The following ST14 variants were observed in gnomAD, a reference collection of about 807,000 sequenced individuals.
ST14 encodes ST14 transmembrane serine protease matriptase, also known as suppressor of tumorigenicity 14 protein.
Under a neutral mutation model 96.5 loss-of-function variants are expected in ST14, and 40 were observed. That is an observed-to-expected ratio of 0.41 (90% CI 0.32 to 0.54). The LOEUF (loss-of-function observed/expected upper bound fraction) is 0.54, where lower values mean the gene tolerates loss of function less well. ST14 is among the 20% of genes least tolerant of loss of function. ST14 has a pLI of 0.17. For missense variants in ST14, 1,066 were observed against 1,188.9 expected, an observed-to-expected ratio of 0.90 and a Z score of 1.52; for synonymous variants, 506 against 492.1, an observed-to-expected ratio of 1.03 and a Z score of -0.37.
chr11:130,194,279 A>G lies in ST14; in HGVS notation c.1006A>G (p.Arg336Gly), dbSNP rs763040799. 6.2e-7 allele frequency: 1 copy of G among 1,614,164 alleles called. No individual in the cohort carries two copies. The highest frequency in any genetic ancestry group is 8.5e-7 in the Non-Finnish European group (1 of 1,180,012). Residue 336 changes from arginine (R) to glycine (G), a missense_variant, in exon 8 of 19, where the codon AGG becomes GGG. Arg to Gly is a moderately radical substitution (Grantham distance 125). Coordinates refer to ENST00000278742, the MANE Select transcript of ST14 (RefSeq NM_021978.4). ...TGAGGCCACCTTCTTCCAGCTGCCT[A>G]GGATGAGCAGTAAGGAAGGGCAGGG... is the stretch of plus-strand genomic sequence containing the variant. ...GFEATFFQLP[R>G]MSSCGGRLRK...
In ST14 at chr11:130,188,129, G is replaced by C. The variant is rs1305160670; in HGVS notation, c.97G>C (p.Glu33Gln). The C allele has an allele frequency of 6.2e-7, 1 of 1,614,174 alleles. No individual in the cohort carries two copies. The highest frequency in any genetic ancestry group is 2.2e-5 in the East Asian group (1 of 44,866). ...CTCCCTGCAGAAAGTGAATGGCTTG[G>C]AGGAAGGCGTGGAGTTCCTGCCAGT... is the stretch of plus-strand genomic sequence containing the variant. ...NSRHEKVNGL[E>Q]EGVEFLPVNN... The change falls in exon 2 of 19, where the codon GAG (glutamate) becomes CAG (glutamine). Residue 33 changes from glutamate to glutamine, a missense_variant. Glu to Gln is a conservative substitution (Grantham distance 29). Transcript: ENST00000278742. This position sits in a 1 kb window ranked among gnomAD's most constrained non-coding sequence, Gnocchi z 5.4.
chr11:130,200,556 T>C (rs1953417364), intron 16 of ST14, among the ~76,000 whole-genome samples: 1 of 152,328 alleles, frequency 6.6e-6, no homozygotes, highest in African/African-American at 2.4e-5. Context: ...GAGGGAACCG[T>C]GACCAAAACA....
Position 130,197,954 on chromosome 11 carries a change from G to T in ST14, c.1459+9G>T. The T allele has an allele frequency of 6.4e-7, 1 of 1,569,218 alleles. No individual in the cohort carries two copies. ...CGATGAGCTCAACTGCAGTGAGTCA[G>T]GCTGGGAGCCCCGGTCTCCCCACCC... On this transcript the variant is annotated intron_variant, in intron 12 of 18. Transcript: ENST00000278742.
chr11:130,162,250 G>A lies in ST14; in HGVS notation c.81+2190G>A, dbSNP rs115226147. Among the ~76,000 whole-genome samples the A allele has an allele frequency of 5.2e-3, 798 of 152,290 alleles. 2 individuals carry two copies. Among genetic ancestry groups the A allele is most frequent in the African/African-American group, 0.018 (768 of 41,562 alleles). ...CTGCTGTTCCCATCAAGTGTTCTGC[G>A]TGGCCTTCAGAGTCCTGATGCACGT... On this transcript the variant is annotated intron_variant, in intron 1 of 18. Transcript: ENST00000278742.
chr11:130,205,685 GTTC>G (rs1001153390), intron 16 of ST14, among the ~76,000 whole-genome samples: 27 of 133,654 alleles, frequency 2.0e-4, no homozygotes, highest in Admixed American at 1.8e-3. Context: ...TGCCCATCAT[GTTC>G]TTCTTTAGAC....
intron 1 of ST14, among the ~76,000 whole-genome samples, chr11:130,186,212 A>T (rs1953236915): frequency 6.6e-6 from 1 of 152,198 alleles, no homozygotes; most frequent in Non-Finnish European, 1.5e-5. Context: ...TTTCAGAAAC[A>T]TGCAAAGTAT....
chr11:130,167,940 C>T (rs777264311), intron 1 of ST14, among the ~76,000 whole-genome samples: 7 of 152,196 alleles, frequency 4.6e-5, no homozygotes, highest in Non-Finnish European at 8.8e-5. Flanking sequence ...GGTCTTGAAT[C>T]CTGGCCTCGA....
chr11:130,200,014 G>A lies in ST14; in HGVS notation c.1871G>A (p.Gly624Asp), dbSNP rs761068782. The A allele has an allele frequency of 1.2e-6, 2 of 1,614,140 alleles. No homozygotes were observed. The highest frequency in any genetic ancestry group is 1.7e-6 in the Non-Finnish European group (2 of 1,180,014). Reference sequence around the variant, plus strand: ...GTTGGGGGCACGGATGCGGATGAGGGCGAGTGGCCCTGGCAGGTAAGCCTG... The same window carrying A: ...GTTGGGGGCACGGATGCGGATGAGGACGAGTGGCCCTGGCAGGTAAGCCTG... ...RVVGGTDADE[G>D]EWPWQVSLHA... is the part of the protein sequence containing the mutation. Residue 624 changes from glycine to aspartate, a missense_variant, in exon 16 of 19, where the codon GGC becomes GAC. Physicochemically the swap from Gly to Asp is moderately conservative, Grantham distance 94. Transcript: ENST00000278742.
intron 4 of ST14, chr11:130,189,295 T>C: frequency 2.1e-6 from 1 of 466,454 alleles, no homozygotes; most frequent in South Asian, 2.4e-5. Context: ...TTGAGCAGTT[T>C]TTCACGCATA....
At chr11:130,191,776 G>C (rs1055903333) in intron 7 of ST14, among the ~76,000 whole-genome samples, 4 of 151,838 alleles carry the variant, frequency 2.6e-5, no homozygotes, top group African/African-American at 9.7e-5. Context: ...GAACTGGCTT[G>C]TTTGAATAAT....
chr11:130,185,689 C>T lies in ST14; in HGVS notation c.82-2425C>T, dbSNP rs1953231064. On this transcript the variant is annotated intron_variant, in intron 1 of 18. Transcript: ENST00000278742. ...AAAAAGACCCAATTCAAAGCACATT[C>T]TCAAGGCTTTCAAAGAAAGACAATG... Among the ~76,000 whole-genome samples, 3 of 152,146 alleles carry T rather than the reference C, an allele frequency of 2.0e-5. No homozygotes were observed. In the South Asian group the frequency reaches 6.2e-4, roughly 32 times the overall value.
At chr11:130,164,898 C>T (rs182207693) in intron 1 of ST14, among the ~76,000 whole-genome samples, 112 of 151,962 alleles carry the variant, frequency 7.4e-4, no homozygotes, top group African/African-American at 2.4e-3. Flanking sequence ...CCACCATGCA[C>T]GGCTAATGTT....
At chr11:130,164,198 G>A (rs1953024107) in intron 1 of ST14, among the ~76,000 whole-genome samples, 1 of 152,178 alleles carries the variant, frequency 6.6e-6, no homozygotes, top group South Asian at 2.1e-4. Context: ...TTCTGATATT[G>A]TGCAATGATT....
chr11:130,172,150 T>G (rs1393786577), intron 1 of ST14, among the ~76,000 whole-genome samples: 1 of 152,070 alleles, frequency 6.6e-6, no homozygotes, highest in East Asian at 1.9e-4. Context: ...GGTCTCGCTC[T>G]GTTGCCCAAG....
At position 130,188,769 on chromosome 11, in the gene ST14, C is replaced by T. The variant is rs748726537; in HGVS notation, c.370-100C>T. On this transcript the variant is annotated intron_variant, in intron 3 of 18. Coordinates refer to ENST00000278742, the MANE Select transcript of ST14 (RefSeq NM_021978.4). The surrounding 1 kb of genome is among the most constrained non-coding windows in gnomAD (Gnocchi z 5.4). Reference sequence around the variant, plus strand: ...CCCAGGGCCCTGGGATGGGGGTGATCTGCAAAGGGGACCCGGGCCCTGGAG... The same window carrying T: ...CCCAGGGCCCTGGGATGGGGGTGATTTGCAAAGGGGACCCGGGCCCTGGAG... 45 of 1,605,892 alleles carry T rather than the reference C, an allele frequency of 2.8e-5. No homozygotes were observed. Among genetic ancestry groups the T allele is most frequent in the Admixed American group, 6.7e-5 (4 of 59,428 alleles).
At position 130,209,998 on chromosome 11, in the gene ST14, C is replaced by T; in HGVS notation, c.*175C>T. 3 of 781,212 alleles carry T rather than the reference C, an allele frequency of 3.8e-6. No homozygotes were observed. In the South Asian group the frequency reaches 5.5e-5, roughly 14 times the overall value. 48.4% of individuals were successfully genotyped at this position (781,212 alleles called of 1,614,324 possible). On this transcript the variant is annotated 3_prime_UTR_variant, in exon 19 of 19. Transcript: ENST00000278742. ...CTAGAAAACCTCTCGCTTCCTCAGC[C>T]TCCAAAGTGGAGCTGGGAGGTAGAA...
At position 130,197,864 on chromosome 11, in the gene ST14, C is replaced by G. The variant is rs550933544; in HGVS notation, c.1378C>G (p.Arg460Gly). 77 of 1,588,034 alleles carry G rather than the reference C, an allele frequency of 4.8e-5. 1 individual carries two copies. The East Asian group carries it at 1.7e-3, about 34-fold the overall frequency. The change falls in exon 12 of 19, where the codon CGC (arginine) becomes GGC (glycine). Residue 460 changes from arginine to glycine, a missense_variant. Arg to Gly is a moderately radical substitution (Grantham distance 125). Coordinates refer to ENST00000278742, the MANE Select transcript of ST14 (RefSeq NM_021978.4). ...AGCATGCCCGGGGCAGTTCACGTGC[C>G]GCACGGGGCGGTGTATCCGGAAGGA... Reference protein sequence around the residue: ...SDPCPGQFTCRTGRCIRKELR... With the variant: ...SDPCPGQFTCGTGRCIRKELR...
chr11:130,198,962 G>A lies in ST14; in HGVS notation c.1700G>A (p.Cys567Tyr). ...ASCPKVNVVT[C>Y]TKHTYRCLNG... ...CCTTGAACAGTGAACGTCGTCACTT[G>A]TACCAAACACACCTACCGCTGCCTC... Residue 567 changes from cysteine to tyrosine, a missense_variant, in exon 15 of 19, where the codon TGT becomes TAT. Transcript: ENST00000278742. 1 of 1,614,092 alleles carries A rather than the reference G, an allele frequency of 6.2e-7. No homozygotes were observed. Among genetic ancestry groups the A allele is most frequent in the Non-Finnish European group, 8.5e-7 (1 of 1,179,972 alleles).
chr11:130,174,283 G>C (rs1339923114), intron 1 of ST14, among the ~76,000 whole-genome samples: 1 of 152,192 alleles, frequency 6.6e-6, no homozygotes, highest in Admixed American at 6.5e-5. Flanking sequence ...ATTATTTTTG[G>C]ACATCTTTGT....
Sources: allele counts gnomAD v4.1 joint callset (sites outside exome capture counted in the v4.1 genomes callset), GRCh38; gene constraint gnomAD v4.1.1; non-coding constraint Gnocchi (gnomAD v3.1); transcripts MANE v1.5; gene names NCBI Gene and HGNC (gene_info 2026-07-23, HGNC 2026-07-21).